Variants in COL18A1 observed in about 807,000 individuals in gnomAD.
The protein encoded by COL18A1 is collagen alpha-1(XVIII) chain.
A neutral mutation model predicts 168.0 loss-of-function variants in COL18A1; 133 were observed. That is an observed-to-expected ratio of 0.79 (90% CI 0.69 to 0.91). COL18A1 has a LOEUF of 0.91. Ranked by LOEUF, COL18A1 falls within the 40% of genes least tolerant of loss-of-function variation. COL18A1 has a pLI of 0.00. For synonymous variants in COL18A1, 949 were observed against 809.0 expected, an observed-to-expected ratio of 1.17 and a Z score of -2.94; for missense variants, 2,126 against 1,925.4, an observed-to-expected ratio of 1.10 and a Z score of -1.95.
At chr21:45,445,964 A>AT (rs745599134) in intron 2 of COL18A1, among the ~76,000 whole-genome samples, 12 of 152,106 alleles carry the variant, frequency 7.9e-5, no homozygotes, top group Admixed American at 2.6e-4. Flanking sequence ...AGTCCAATTT[A>AT]TTTTTCTTTT....
rs1387720929 is a variant in COL18A1, at chr21:45,505,237, G to C, written c.2972G>C (p.Gly991Ala). Residue 991 changes from glycine (G) to alanine (A), a missense_variant, in exon 35 of 42, where the codon GGC (glycine) becomes GCC (alanine). Gly to Ala is a moderately conservative substitution (Grantham distance 60, BLOSUM62 0). Coordinates refer to ENST00000651438, the MANE Select transcript of COL18A1 (RefSeq NM_001379500.1). ...CGCCAGGGCCCTCCCGGCCCCCCAGGCCCCCCAGGGCCCCCTTCATTTCCT... is the reference window on the plus strand; with the variant it reads ...CGCCAGGGCCCTCCCGGCCCCCCAGCCCCCCCAGGGCCCCCTTCATTTCCT... ...EGRQGPPGPP[G>A]PPGPPSFPGP... 6.2e-7 allele frequency: 1 copy of C among 1,602,748 alleles called. No homozygotes were observed. Among genetic ancestry groups the C allele is most frequent in the African/African-American group, 1.3e-5 (1 of 74,720 alleles).
At chr21:45,510,637 C>CGGGCT (rs940275773) in intron 40 of COL18A1, among the ~76,000 whole-genome samples, 3 of 152,220 alleles carry the variant, frequency 2.0e-5, no homozygotes, top group Non-Finnish European at 4.4e-5. Context: ...TAGTGCCATG[C>CGGGCT]GGGCTGGTGG....
chr21:45,428,449 A>G (rs1163110409), intron 2 of COL18A1, among the ~76,000 whole-genome samples: 1 of 152,204 alleles, frequency 6.6e-6, no homozygotes, highest in East Asian at 1.9e-4. Context: ...ACTGGAAACG[A>G]TTGGATTCTT....
chr21:45,487,138 C>T (rs2036142344), intron 16 of COL18A1, 146 bp downstream of exon 16: 2 of 876,932 alleles, frequency 2.3e-6, no homozygotes, highest in Non-Finnish European at 3.4e-6. Flanking sequence ...CCATATTCCG[C>T]ATGGTGGGGC....
chr21:45,438,330 A>G (rs2034269334), intron 2 of COL18A1, among the ~76,000 whole-genome samples: 1 of 44,604 alleles, frequency 2.2e-5, no homozygotes, highest in South Asian at 7.7e-4. Context: ...TCTCCTGCAC[A>G]CACACACACT....
chr21:45,478,984 A>C (rs2035781823), intron 9 of COL18A1, among the ~76,000 whole-genome samples: 1 of 152,176 alleles, frequency 6.6e-6, no homozygotes, highest in African/African-American at 2.4e-5. Flanking sequence ...GGCACCCCAC[A>C]GCCAAGCTGC....
At chr21:45,449,426 C>T (rs544790052) in intron 2 of COL18A1, among the ~76,000 whole-genome samples, 6 of 152,274 alleles carry the variant, frequency 3.9e-5, no homozygotes, top group East Asian at 1.9e-4. Context: ...CTCTGCCGAG[C>T]GGTCAGAGGG....
chr21:45,468,818 G>A, intron 3 of COL18A1, 32 bp downstream of exon 3: 1 of 1,532,344 alleles, frequency 6.5e-7, no homozygotes, highest in Non-Finnish European at 8.7e-7. Context: ...CTGGGGGACT[G>A]GAGCAGCTGG....
At position 45,512,575 on chromosome 21, in the gene COL18A1, TAA is replaced by T; in HGVS notation, c.*180_*181del. Reference sequence around the variant, plus strand: ...AAGGAAGCCAAAGAGTGTATTTTTTTAAAAGTTTAAAACAGAAGCCTGATGCT... The same window carrying T: ...AAGGAAGCCAAAGAGTGTATTTTTTTAAGTTTAAAACAGAAGCCTGATGCT... On this transcript the variant is annotated 3_prime_UTR_variant, in exon 42 of 42. Transcript: ENST00000651438. 1 of 658,896 alleles carries T rather than the reference TAA, an allele frequency of 1.5e-6. No individual in the cohort carries two copies. Among genetic ancestry groups the T allele is most frequent in the African/African-American group, 1.8e-5 (1 of 54,998 alleles). The allele number at this position is 658,896 out of a possible 1,614,324, so 40.8% of individuals were successfully genotyped here.
intron 32 of COL18A1, 177 bp from the exon 33 acceptor site, chr21:45,503,834 T>C (rs1042093506): frequency 2.3e-6 from 1 of 444,292 alleles, no homozygotes; most frequent in Non-Finnish European, 4.0e-6. Flanking sequence ...AAAGGCACCA[T>C]TAACAAAAAC....
intron 2 of COL18A1, among the ~76,000 whole-genome samples, chr21:45,452,178 T>C (rs1454776063): frequency 6.6e-6 from 1 of 152,232 alleles, no homozygotes; most frequent in African/African-American, 2.4e-5. Context: ...TCGGGCCCTT[T>C]ACACAGAGCT....
Position 45,503,951 on chromosome 21 carries a change from A to G in COL18A1, c.2684-60A>G, listed in dbSNP as rs1255631983. On this transcript the variant is annotated intron_variant, in intron 32 of 41. Transcript: ENST00000651438. Reference sequence around the variant, plus strand: ...AACCCACCAGTGCTGGGGGCTGCAGAGGGAACCCGGCGCTGTCAGACACCA... The same window carrying G: ...AACCCACCAGTGCTGGGGGCTGCAGGGGGAACCCGGCGCTGTCAGACACCA... The G allele has an allele frequency of 1.9e-6, 3 of 1,602,512 alleles. No homozygotes were observed. The Admixed American group carries it at 5.0e-5, about 27-fold the overall frequency.
rs2034434400 is a variant in COL18A1, at chr21:45,443,411, G to T, written c.107-24831G>T. 6.6e-6 allele frequency among the ~76,000 whole-genome samples: 1 copy of T among 152,100 alleles called. No individual in the cohort carries two copies. Among genetic ancestry groups the T allele is most frequent in the African/African-American group, 2.4e-5 (1 of 41,410 alleles). ...AAGTGGGCCTTCACCAGCTTGAAAG[G>T]CCGCCCGTGCCTTTCCTCCTTGGCC... On this transcript the variant is annotated intron_variant, in intron 2 of 41. Transcript: ENST00000651438. This position sits in a 1 kb window ranked among gnomAD's most constrained non-coding sequence, Gnocchi z 5.2.
intron 2 of COL18A1, among the ~76,000 whole-genome samples, chr21:45,440,671 C>G (rs1386476504): frequency 6.6e-6 from 1 of 151,920 alleles, no homozygotes; most frequent in South Asian, 2.1e-4. Flanking sequence ...GCCACGTTCC[C>G]CGGAAGCAGT....
intron 15 of COL18A1, among the ~76,000 whole-genome samples, chr21:45,485,209 C>CGG (rs2036069156): frequency 1.4e-5 from 2 of 138,730 alleles, no homozygotes; most frequent in African/African-American, 5.5e-5. Context: ...TCATGATGGC[C>CGG]AGGCTGGTCT....
At chr21:45,427,445 C>G (rs1342997732) in intron 2 of COL18A1, among the ~76,000 whole-genome samples, 2 of 152,162 alleles carry the variant, frequency 1.3e-5, no homozygotes, top group Non-Finnish European at 2.9e-5. Context: ...CCTCAGGCCT[C>G]TTGACCCGCC....
At chr21:45,497,821 G>A (rs1395776459) in intron 32 of COL18A1, 160 bp downstream of exon 32, 2 of 955,956 alleles carry the variant, frequency 2.1e-6, no homozygotes, top group East Asian at 2.6e-5. Flanking sequence ...GGTTGATGGG[G>A]GCCTCATAGG....
At chr21:45,432,302 G>C (rs1221611413) in intron 2 of COL18A1, among the ~76,000 whole-genome samples, 2 of 152,248 alleles carry the variant, frequency 1.3e-5, no homozygotes, top group Non-Finnish European at 2.9e-5. Flanking sequence ...GTCTCAGTGA[G>C]AGTCTGTGGC....
At position 45,423,439 on chromosome 21, in the gene COL18A1, C is replaced by T. The variant is rs938119039; in HGVS notation, c.106+17966C>T. Among the ~76,000 whole-genome samples, 6 of 152,202 alleles carry T rather than the reference C, an allele frequency of 3.9e-5. No homozygotes were observed. Among genetic ancestry groups the T allele is most frequent in the African/African-American group, 7.2e-5 (3 of 41,454 alleles). On this transcript the variant is annotated intron_variant, in intron 2 of 41. Transcript: ENST00000651438. The surrounding 1 kb of genome is among the most constrained non-coding windows in gnomAD (Gnocchi z 4.0). ...CGTGGAGCTCCACAAGCACCTCGGA[C>T]GGCAGCAGGACCCTCCCAAAGCTGT...
Sources: allele counts gnomAD v4.1 joint callset (sites outside exome capture counted in the v4.1 genomes callset), GRCh38; gene constraint gnomAD v4.1.1; non-coding constraint Gnocchi (gnomAD v3.1); transcripts MANE v1.5; gene names NCBI Gene and HGNC (gene_info 2026-07-23, HGNC 2026-07-21).